Variants in SPTBN1 observed in about 807,000 individuals in gnomAD.
The protein encoded by SPTBN1 is spectrin beta chain, non-erythrocytic 1.
Under a neutral mutation model 266.4 loss-of-function variants are expected in SPTBN1, and 32 were observed. The observed-to-expected ratio is 0.12, with a 90% CI of 0.09 to 0.16. The LOEUF (loss-of-function observed/expected upper bound fraction) is 0.16, where lower values mean the gene tolerates loss of function less well. Ranked by LOEUF, SPTBN1 falls within the 10% of genes least tolerant of loss-of-function variation. The probability of loss-of-function intolerance (pLI) is 1.00; values close to 1 mark genes in which losing one functional copy is unlikely to be tolerated. For synonymous variants in SPTBN1, 1,336 were observed against 1,162.2 expected, an observed-to-expected ratio of 1.15 and a Z score of -3.04; for missense variants, 2,296 against 3,067.1, an observed-to-expected ratio of 0.75 and a Z score of 5.94.
rs1680423993 is a variant in SPTBN1, at chr2:54,653,298, A to G, written c.5578-311A>G. 1 of 289,678 alleles carries G rather than the reference A, an allele frequency of 3.5e-6. No homozygotes were observed. Among genetic ancestry groups the G allele is most frequent in the African/African-American group, 2.2e-5 (1 of 45,006 alleles). 17.9% of individuals were successfully genotyped at this position (289,678 alleles called of 1,614,324 possible). ...TTTATTTTTTGGACTGTATCTGAAT[A>G]TGTCCCACTCAGATATCCCAGGCTG... On this transcript the variant is annotated intron_variant, in intron 26 of 35. Transcript: ENST00000356805. This position sits in a 1 kb window ranked among gnomAD's most constrained non-coding sequence, Gnocchi z 5.1.
At chr2:54,639,714 A>T (rs1052762353) in intron 18 of SPTBN1, among the ~76,000 whole-genome samples, 1 of 152,232 alleles carries the variant, frequency 6.6e-6, no homozygotes, top group African/African-American at 2.4e-5. Context: ...CTTTGTTTCC[A>T]CTTGCTCTAA....
At chr2:54,486,542 C>T (rs1440454918) in intron 1 of SPTBN1, among the ~76,000 whole-genome samples, 1 of 151,970 alleles carries the variant, frequency 6.6e-6, no homozygotes, top group Non-Finnish European at 1.5e-5. Flanking sequence ...TAAGAGTCAT[C>T]ACCACTCCCT....
intron 34 of SPTBN1, 101 bp downstream of exon 34, chr2:54,666,189 T>A: frequency 8.1e-7 from 1 of 1,240,612 alleles, no homozygotes; most frequent in South Asian, 1.5e-5. Context: ...GTTGGTTCTG[T>A]CTTCTGCCAT....
chr2:54,602,753 G>A (rs1480284494), intron 3 of SPTBN1, among the ~76,000 whole-genome samples: 1 of 152,168 alleles, frequency 6.6e-6, no homozygotes, highest in East Asian at 1.9e-4. Context: ...GTTTGTGTAT[G>A]TTGCCACCAT....
chr2:54,530,546 A>G (rs539496518), intron 2 of SPTBN1, among the ~76,000 whole-genome samples: 1 of 151,650 alleles, frequency 6.6e-6, no homozygotes, highest in South Asian at 2.1e-4. Flanking sequence ...TTTCGTAGAG[A>G]CGGGGTTTCG....
At chr2:54,484,776 G>C (rs1668267962) in intron 1 of SPTBN1, among the ~76,000 whole-genome samples, 1 of 152,148 alleles carries the variant, frequency 6.6e-6, no homozygotes, top group African/African-American at 2.4e-5. Flanking sequence ...TGGTTGTGTC[G>C]GAGACAAGCT....
intron 1 of SPTBN1, chr2:54,457,257 C>G (rs1368627747): frequency 2.0e-5 from 3 of 152,090 alleles, no homozygotes; most frequent in African/African-American, 7.3e-5. Flanking sequence ...TCCTGCCACC[C>G]TCTCTTCAAC....
intron 2 of SPTBN1, among the ~76,000 whole-genome samples, chr2:54,579,682 G>C (rs1050221309): frequency 3.3e-5 from 5 of 152,214 alleles, no homozygotes; most frequent in African/African-American, 1.2e-4. Flanking sequence ...TAAGTCCCGA[G>C]AACTCCTGTT....
chr2:54,554,866 C>A lies in SPTBN1; in HGVS notation c.148+28300C>A, dbSNP rs1490883340. 2.6e-5 allele frequency among the ~76,000 whole-genome samples: 4 copies of A among 152,150 alleles called. No homozygotes were observed. Among genetic ancestry groups the A allele is most frequent in the Non-Finnish European group, 5.9e-5 (4 of 68,036 alleles). ...TTGGGCCCTGCCTTGGAACATCTTCCCCTGAGTCTGATAACCCTCATTCAC... is the reference window on the plus strand; with the variant it reads ...TTGGGCCCTGCCTTGGAACATCTTCACCTGAGTCTGATAACCCTCATTCAC... On this transcript the variant is annotated intron_variant, in intron 2 of 35. Transcript: ENST00000356805. This position sits in a 1 kb window ranked among gnomAD's most constrained non-coding sequence, Gnocchi z 4.5.
At chr2:54,477,320 C>T (rs946662061) in intron 1 of SPTBN1, among the ~76,000 whole-genome samples, 19 of 151,870 alleles carry the variant, frequency 1.3e-4, no homozygotes, top group Non-Finnish European at 2.6e-4. Flanking sequence ...CCCCAACCCC[C>T]GTTTTGTAAC....
At chr2:54,506,894 C>CTATTTTTTT (rs5831310) in intron 1 of SPTBN1, among the ~76,000 whole-genome samples, 1 of 133,504 alleles carries the variant, frequency 7.5e-6, no homozygotes, top group Non-Finnish European at 1.6e-5. Context: ...GGTTCTCTCT[C>CTATTTTTTT]TTTTTTTTTT....
rs1678691283 is a variant in SPTBN1, at chr2:54,630,962, G to A, written c.2915G>A (p.Arg972Gln). The change falls in exon 16 of 36, where the codon CGG (arginine) becomes CAG (glutamine). Residue 972 changes from arginine to glutamine, a missense_variant. Transcript: ENST00000356805. ...LECNETKSWI[R>Q]EKTKVIESTQ... Reference sequence around the variant, plus strand: ...TGCAATGAAACCAAATCCTGGATTCGGGAAAAGACCAAGGTCATCGAGTCC... The same window carrying A: ...TGCAATGAAACCAAATCCTGGATTCAGGAAAAGACCAAGGTCATCGAGTCC... The A allele has an allele frequency of 2.5e-6, 4 of 1,614,130 alleles. No individual in the cohort carries two copies. The highest frequency in any genetic ancestry group is 2.2e-5 in the East Asian group (1 of 44,876).
chr2:54,522,507 T>TGATA (rs1670501906), intron 1 of SPTBN1, among the ~76,000 whole-genome samples: 1 of 151,834 alleles, frequency 6.6e-6, no homozygotes, highest in Non-Finnish European at 1.5e-5. Context: ...AGTGCACACC[T>TGATA]GTAATTCCAG....
At chr2:54,604,967 T>C (rs1022441916) in intron 3 of SPTBN1, among the ~76,000 whole-genome samples, 2 of 152,202 alleles carry the variant, frequency 1.3e-5, no homozygotes, top group African/African-American at 2.4e-5. Flanking sequence ...TTTCAGACTT[T>C]CCTGTCAGAA....
intron 1 of SPTBN1, among the ~76,000 whole-genome samples, chr2:54,504,063 A>G (rs937540934): frequency 2.6e-5 from 4 of 152,192 alleles, no homozygotes; most frequent in African/African-American, 9.7e-5. Context: ...GTGTGCATTG[A>G]TTTTTAAGTG....
At chr2:54,559,998 C>A (rs943752041) in intron 2 of SPTBN1, among the ~76,000 whole-genome samples, 1 of 152,082 alleles carries the variant, frequency 6.6e-6, no homozygotes, top group Non-Finnish European at 1.5e-5. Context: ...CAGAACAGGA[C>A]GTGATTTTAA....
Position 54,664,200 on chromosome 2 carries a change from G to T in SPTBN1, c.6421-253G>T. 2.2e-6 allele frequency: 1 copy of T among 446,266 alleles called. No individual in the cohort carries two copies. The highest frequency in any genetic ancestry group is 4.0e-6 in the Non-Finnish European group (1 of 249,266). The allele number at this position is 446,266 out of a possible 1,614,324, so 27.6% of individuals were successfully genotyped here. On this transcript the variant is annotated intron_variant, in intron 32 of 35. Coordinates refer to ENST00000356805, the MANE Select transcript of SPTBN1 (RefSeq NM_003128.3). The surrounding 1 kb of genome is among the most constrained non-coding windows in gnomAD (Gnocchi z 5.6). ...TCTGAGTTATATTTATTGATCAGAG[G>T]AATAGAGTGCAGTAAAACTCATACT...
intron 2 of SPTBN1, among the ~76,000 whole-genome samples, chr2:54,598,731 A>G (rs1676268864): frequency 6.6e-6 from 1 of 152,220 alleles, no homozygotes; most frequent in Admixed American, 6.5e-5. Context: ...TGTCATCTGC[A>G]TCCTGCTGCC....
At chr2:54,559,675 G>C (rs530460921) in intron 2 of SPTBN1, among the ~76,000 whole-genome samples, 240 of 152,322 alleles carry the variant, frequency 1.6e-3, no homozygotes, top group African/African-American at 5.4e-3. Flanking sequence ...CTGGCCAGCA[G>C]TGTCTCAGAG....
Sources: gnomAD v4.1 joint callset for allele counts (sites outside exome capture counted in the v4.1 genomes callset) on GRCh38, gnomAD v4.1.1 for gene constraint, Gnocchi (gnomAD v3.1) non-coding constraint, MANE v1.5 for transcripts, NCBI Gene and HGNC (gene_info 2026-07-23, HGNC 2026-07-21) for gene names.